The following ZFPM2 variants were observed in gnomAD, a reference collection of about 807,000 sequenced individuals.
ZFPM2 encodes the protein zinc finger protein ZFPM2.
Under a neutral mutation model 98.6 loss-of-function variants are expected in ZFPM2, and 20 were observed. The observed-to-expected ratio is 0.20, with a 90% CI of 0.14 to 0.29. ZFPM2 has a LOEUF of 0.29. Ranked by LOEUF, ZFPM2 falls within the 10% of genes least tolerant of loss-of-function variation. ZFPM2 has a pLI of 1.00. For synonymous variants in ZFPM2, 518 were observed against 502.7 expected, an observed-to-expected ratio of 1.03 and a Z score of -0.41; for missense variants, 1,310 against 1,388.6, an observed-to-expected ratio of 0.94 and a Z score of 0.90.
intron 1 of ZFPM2, among the ~76,000 whole-genome samples, chr8:105,415,705 C>A (rs549535669): frequency 2.0e-5 from 3 of 152,158 alleles, no homozygotes; most frequent in Admixed American, 2.0e-4. Flanking sequence ...AAGAAACATG[C>A]AATGTAGAGA....
intron 4 of ZFPM2, among the ~76,000 whole-genome samples, chr8:105,628,654 A>G (rs1455758608): frequency 2.6e-5 from 4 of 152,272 alleles, no homozygotes; most frequent in East Asian, 3.9e-4. Context: ...TGATGGTGCA[A>G]CTTTGGAGAA....
At chr8:105,795,471 G>A (rs572906975) in intron 6 of ZFPM2, among the ~76,000 whole-genome samples, 2 of 150,948 alleles carry the variant, frequency 1.3e-5, no homozygotes, top group African/African-American at 2.4e-5. Context: ...AAAAAATGTG[G>A]TATTCTTTAA....
intron 1 of ZFPM2, among the ~76,000 whole-genome samples, chr8:105,375,619 T>C (rs954755124): frequency 3.9e-5 from 6 of 152,004 alleles, no homozygotes; most frequent in African/African-American, 1.2e-4. Flanking sequence ...ACCAGTTGAG[T>C]AGTGAAGATA....
intron 6 of ZFPM2, among the ~76,000 whole-genome samples, chr8:105,789,490 G>T (rs1456066637): frequency 6.6e-6 from 1 of 152,090 alleles, no homozygotes; most frequent in Non-Finnish European, 1.5e-5. Flanking sequence ...ATCATTGTTG[G>T]ACATTTGGGT....
chr8:105,485,917 A>T (rs1175210020), intron 3 of ZFPM2, among the ~76,000 whole-genome samples: 2 of 152,132 alleles, frequency 1.3e-5, no homozygotes, highest in African/African-American at 2.4e-5. Flanking sequence ...ATTACCGGTG[A>T]ATTATGACTT....
At chr8:105,656,437 A>G (rs1817287623) in intron 5 of ZFPM2, among the ~76,000 whole-genome samples, 1 of 152,300 alleles carries the variant, frequency 6.6e-6, no homozygotes, top group Admixed American at 6.5e-5. Context: ...ATTACCTCAT[A>G]CAGTTCAGTT....
At chr8:105,776,820 C>T (rs1283609227) in intron 5 of ZFPM2, among the ~76,000 whole-genome samples, 1 of 152,152 alleles carries the variant, frequency 6.6e-6, no homozygotes, top group Non-Finnish European at 1.5e-5. Context: ...AGGTTTCATA[C>T]CCAGAAATAG....
At chr8:105,622,467 A>G (rs1816571739) in intron 4 of ZFPM2, among the ~76,000 whole-genome samples, 1 of 152,184 alleles carries the variant, frequency 6.6e-6, no homozygotes, top group Admixed American at 6.6e-5. Context: ...CAATGAGCAC[A>G]GAGATCTTGC....
chr8:105,504,214 T>C (rs1813652084), intron 3 of ZFPM2, among the ~76,000 whole-genome samples: 1 of 152,192 alleles, frequency 6.6e-6, no homozygotes, highest in South Asian at 2.1e-4. Flanking sequence ...AAGAGGATAT[T>C]ATCATCTTGT....
Position 105,422,159 on chromosome 8 carries a change from C to T in ZFPM2, c.199+2857C>T, listed in dbSNP as rs552954795. 2.4e-4 allele frequency among the ~76,000 whole-genome samples: 36 copies of T among 151,770 alleles called. No individual in the cohort carries two copies. The South Asian group carries it at 7.3e-3, about 31-fold the overall frequency. ...CCTCTGAAGAAAAGTATTTTTAGGCCGGGCGCGATGGCTGACGCCTGTAAT... is the reference window on the plus strand; with the variant it reads ...CCTCTGAAGAAAAGTATTTTTAGGCTGGGCGCGATGGCTGACGCCTGTAAT... On this transcript the variant is annotated intron_variant, in intron 2 of 7. Coordinates refer to ENST00000407775, the MANE Select transcript of ZFPM2 (RefSeq NM_012082.4).
intron 5 of ZFPM2, among the ~76,000 whole-genome samples, chr8:105,655,045 T>C (rs1817255798): frequency 6.6e-6 from 1 of 152,092 alleles, no homozygotes; most frequent in African/African-American, 2.4e-5. Flanking sequence ...ATTTACATAG[T>C]AATGATAAAT....
chr8:105,737,753 C>T (rs1812113385), intron 5 of ZFPM2: 1 of 152,006 alleles, frequency 6.6e-6, no homozygotes, highest in Admixed American at 6.6e-5. Flanking sequence ...TTGGGATTCA[C>T]CTTGAGCAGC....
At chr8:105,779,148 G>A (rs1217132722) in intron 5 of ZFPM2, among the ~76,000 whole-genome samples, 2 of 151,946 alleles carry the variant, frequency 1.3e-5, no homozygotes, top group East Asian at 1.9e-4. Context: ...GGATGTATGC[G>A]GTTTGTTTGC....
At chr8:105,328,733 A>G (rs1442702124) in intron 1 of ZFPM2, among the ~76,000 whole-genome samples, 1 of 151,864 alleles carries the variant, frequency 6.6e-6, no homozygotes, top group Non-Finnish European at 1.5e-5. Flanking sequence ...ACACTTACCA[A>G]TCAGTTCTTC....
intron 3 of ZFPM2, among the ~76,000 whole-genome samples, chr8:105,472,148 G>C (rs1812917245): frequency 6.6e-6 from 1 of 152,168 alleles, no homozygotes; most frequent in Admixed American, 6.5e-5. Context: ...TAAAAAAGTA[G>C]ATCTTAGTCA....
chr8:105,440,932 A>C (rs1424885331), intron 2 of ZFPM2, among the ~76,000 whole-genome samples: 1 of 152,094 alleles, frequency 6.6e-6, no homozygotes, highest in South Asian at 2.1e-4. Flanking sequence ...CGGGTGGATC[A>C]CGAGGTCAAG....
chr8:105,517,782 T>C (rs1038977221), intron 3 of ZFPM2, among the ~76,000 whole-genome samples: 3 of 150,220 alleles, frequency 2.0e-5, no homozygotes, highest in African/African-American at 7.4e-5. Context: ...TAATCTCAGC[T>C]ACTTAGGAGG....
Position 105,330,582 on chromosome 8 carries a change from A to G in ZFPM2, c.40+11601A>G, listed in dbSNP as rs1306611188. ...TATATATATATACATATATATATAC[A>G]TATATATATATACATATATATATAT... On this transcript the variant is annotated intron_variant, in intron 1 of 7. Transcript: ENST00000407775. Among the ~76,000 whole-genome samples, 8 of 42,552 alleles carry G rather than the reference A, an allele frequency of 1.9e-4. 1 individual carries two copies. The highest frequency in any genetic ancestry group is 3.6e-4 in the Admixed American group (1 of 2,768). The allele number at this position is 42,552 out of a possible 152,430, so 27.9% of individuals were successfully genotyped here.
At chr8:105,791,351 G>C (rs992444323) in intron 6 of ZFPM2, among the ~76,000 whole-genome samples, 64 of 152,308 alleles carry the variant, frequency 4.2e-4, no homozygotes, top group Non-Finnish European at 7.5e-4. Flanking sequence ...AGATAATCAT[G>C]TGGTTTTTGT....
Sources: gnomAD v4.1 joint callset for allele counts (sites outside exome capture counted in the v4.1 genomes callset) on GRCh38, gnomAD v4.1.1 for gene constraint, MANE v1.5 for transcripts, NCBI Gene and HGNC (gene_info 2026-07-23, HGNC 2026-07-21) for gene names.